Variants in PEMT observed in about 807,000 individuals in gnomAD.
PEMT encodes phosphatidylethanolamine N-methyltransferase.
In PEMT, 23 loss-of-function variants were observed where a neutral mutation model predicts 27.4. The observed-to-expected ratio is 0.84, with a 90% CI of 0.60 to 1.19. PEMT has a LOEUF of 1.19. PEMT is among the 50% of genes most tolerant of loss of function. The pLI, the probability that PEMT is intolerant of heterozygous loss-of-function variation, is 0.00. For missense variants in PEMT, 307 were observed against 310.1 expected (o/e 0.99, Z 0.07); for synonymous variants, 137 against 139.1 (o/e 0.98, Z 0.11).
rs201343863 is a variant in PEMT at position 17,576,912 on chromosome 17, T to C, written c.204+8A>G. The C allele has an allele frequency of 2.5e-6, 4 of 1,607,824 alleles. No individual in the cohort carries two copies. In the Admixed American group the frequency reaches 5.0e-5, roughly 20 times the overall value. ...TCCCGTCTGGACAGTGTCAGGCACA[T>C]CACTTACCACATTCCAGTAGAGCGG... On this transcript the variant is annotated splice_region_variant and intron_variant, in intron 2 of 6. Coordinates refer to ENST00000255389, the MANE Select transcript of PEMT (RefSeq NM_148172.3).
intron 4 of PEMT, among the ~76,000 whole-genome samples, chr17:17,510,364 C>T (rs904642557): frequency 2.0e-5 from 3 of 152,194 alleles, no homozygotes; most frequent in Admixed American, 6.5e-5. Flanking sequence ...GGTGTGGCTT[C>T]GTTCCTCCCA....
intron 6 of PEMT, 147 bp downstream of exon 6, chr17:17,506,080 C>A (rs1377965023): frequency 1.0e-5 from 10 of 976,068 alleles, no homozygotes; most frequent in African/African-American, 8.2e-5. Flanking sequence ...TGTAAGCTAC[C>A]ATGGCCGCTC....
chr17:17,536,713 G>A (rs184956019), intron 2 of PEMT, among the ~76,000 whole-genome samples: 105 of 152,312 alleles, frequency 6.9e-4, no homozygotes, highest in African/African-American at 2.5e-3. Flanking sequence ...CTCTCATGAG[G>A]GCCTGCTACA....
chr17:17,584,535 G>A (rs1912141237), intron 1 of PEMT, among the ~76,000 whole-genome samples: 1 of 151,992 alleles, frequency 6.6e-6, no homozygotes, highest in African/African-American at 2.4e-5. Context: ...TGGAACTCCT[G>A]GGCTCAAGTG....
At chr17:17,556,392 T>C (rs1489418840) in intron 2 of PEMT, among the ~76,000 whole-genome samples, 2 of 139,274 alleles carry the variant, frequency 1.4e-5, no homozygotes, top group East Asian at 2.0e-4. Flanking sequence ...TTTTTTTTTT[T>C]AGACGGAGTC....
rs777643241 is a variant in PEMT, at chr17:17,506,309, G to C, written c.579-8C>G. On this transcript the variant is annotated splice_region_variant and splice_polypyrimidine_tract_variant and intron_variant, in intron 5 of 6. Coordinates refer to ENST00000255389, the MANE Select transcript of PEMT (RefSeq NM_148172.3). ...CCCGTGGGGCTGGCGTGCCTGAAAG[G>C]ACAGAGGCAGGTCAGGCCTGGCTGG... 6.4e-7 allele frequency: 1 copy of C among 1,566,558 alleles called. No homozygotes were observed. Among genetic ancestry groups the C allele is most frequent in the South Asian group, 1.2e-5 (1 of 85,244 alleles).
chr17:17,542,339 C>T (rs1244041630), intron 2 of PEMT, among the ~76,000 whole-genome samples: 2 of 152,214 alleles, frequency 1.3e-5, no homozygotes, highest in Non-Finnish European at 2.9e-5. Flanking sequence ...CCTGATTGAG[C>T]TCCCGCTCAG....
intron 2 of PEMT, among the ~76,000 whole-genome samples, chr17:17,546,627 C>T (rs1255106427): frequency 2.0e-5 from 3 of 152,274 alleles, no homozygotes; most frequent in Non-Finnish European, 2.9e-5. Context: ...ATCCAGCCCC[C>T]AGGCCTCTGC....
At chr17:17,535,471 C>T (rs749164358) in intron 2 of PEMT, among the ~76,000 whole-genome samples, 4 of 151,520 alleles carry the variant, frequency 2.6e-5, no homozygotes, top group African/African-American at 4.9e-5. Flanking sequence ...GAGGCTGAGG[C>T]AGGAGAATGG....
chr17:17,543,754 G>C (rs1352708224), intron 2 of PEMT, among the ~76,000 whole-genome samples: 1 of 152,184 alleles, frequency 6.6e-6, no homozygotes, highest in East Asian at 1.9e-4. Context: ...GCAGGGACAG[G>C]GTTTCACCAT....
intron 2 of PEMT, chr17:17,570,647 G>A (rs1337819269): frequency 1.0e-6 from 1 of 985,320 alleles, no homozygotes; most frequent in Non-Finnish European, 1.2e-6. Context: ...CCAAGACCTG[G>A]GATGACTGAG....
At chr17:17,587,827 T>C (rs963939735) in intron 1 of PEMT, among the ~76,000 whole-genome samples, 1 of 152,108 alleles carries the variant, frequency 6.6e-6, no homozygotes, top group African/African-American at 2.4e-5. Context: ...AATGAGCTGG[T>C]ATCACGCCAC....
In PEMT at chr17:17,510,979, C is replaced by T. The variant is rs1481946839; in HGVS notation, c.467-1434G>A. On this transcript the variant is annotated intron_variant, in intron 4 of 6. Coordinates refer to ENST00000255389, the MANE Select transcript of PEMT (RefSeq NM_148172.3). ...TCCTGGAAGGGCCCCTCCACAGCTC[C>T]TCCTGAGCCCCACCTCTGATCCTGG... 3.3e-5 allele frequency among the ~76,000 whole-genome samples: 5 copies of T among 152,278 alleles called. No individual in the cohort carries two copies. In the East Asian group the frequency reaches 9.7e-4, roughly 30 times the overall value.
intron 2 of PEMT, among the ~76,000 whole-genome samples, chr17:17,567,190 T>C (rs568169484): frequency 6.6e-6 from 1 of 152,250 alleles, no homozygotes; most frequent in East Asian, 1.9e-4. Context: ...GGATCCTGCC[T>C]GCCAGGCTCC....
intron 2 of PEMT, among the ~76,000 whole-genome samples, chr17:17,531,270 G>T (rs1410235091): frequency 6.6e-6 from 1 of 152,058 alleles, no homozygotes; most frequent in Non-Finnish European, 1.5e-5. Flanking sequence ...ACACTTGAAG[G>T]GTCCCCAGCT....
At chr17:17,573,516 A>G (rs921467651) in intron 2 of PEMT, among the ~76,000 whole-genome samples, 6 of 152,136 alleles carry the variant, frequency 3.9e-5, no homozygotes, top group South Asian at 2.1e-4. Flanking sequence ...ACAAAAAGTA[A>G]TAACATAAAA....
At chr17:17,572,345 T>C (rs1911265880) in intron 2 of PEMT, among the ~76,000 whole-genome samples, 2 of 152,172 alleles carry the variant, frequency 1.3e-5, no homozygotes, top group African/African-American at 4.8e-5. Context: ...GTCCAGGGAA[T>C]GTCTCTCCCC....
rs566379147 is a variant in PEMT, at chr17:17,560,822, G to A, written c.204+16098C>T. Among the ~76,000 whole-genome samples the A allele has an allele frequency of 4.6e-5, 7 of 151,754 alleles. No homozygotes were observed. The East Asian group carries it at 7.8e-4, about 17-fold the overall frequency. ...GGGGCAGGGTGTCCAGCCTCCCCTC[G>A]ACACTCCTCCCCACCTCCACCTCAC... On this transcript the variant is annotated intron_variant, in intron 2 of 6. Transcript: ENST00000255389.
chr17:17,577,163 A>G (rs1911658131), intron 1 of PEMT, 136 bp from the exon 2 acceptor site: 2 of 663,386 alleles, frequency 3.0e-6, no homozygotes, highest in Admixed American at 2.5e-5. Flanking sequence ...AGGTTACTAC[A>G]GTGTAGTCTC....
Sources: allele counts gnomAD v4.1 joint callset (sites outside exome capture counted in the v4.1 genomes callset), GRCh38; gene constraint gnomAD v4.1.1; transcripts MANE v1.5; gene names NCBI Gene and HGNC (gene_info 2026-07-23, HGNC 2026-07-21).